The following MAL variants were observed in gnomAD, a reference collection of about 807,000 sequenced individuals.
The protein encoded by MAL is myelin and lymphocyte protein.
Under a neutral mutation model 16.7 loss-of-function variants are expected in MAL, and 5 were observed. The observed-to-expected ratio is 0.30, with a 90% CI of 0.16 to 0.63. The LOEUF is 0.63. Ranked by LOEUF, MAL falls within the 30% of genes least tolerant of loss-of-function variation. MAL has a pLI of 0.82. For missense variants in MAL, 202 were observed against 195.8 expected (o/e 1.03, Z -0.19); for synonymous variants, 96 against 85.5 (o/e 1.12, Z -0.67).
chr2:95,044,955 A>G (rs1674552735), intron 1 of MAL, among the ~76,000 whole-genome samples: 1 of 152,250 alleles, frequency 6.6e-6, no homozygotes, highest in Non-Finnish European at 1.5e-5. Flanking sequence ...GACTCTGCAG[A>G]CAGGAGCTGA....
intron 1 of MAL, among the ~76,000 whole-genome samples, chr2:95,040,966 C>T (rs1674448372): frequency 6.6e-6 from 1 of 152,182 alleles, no homozygotes; most frequent in Non-Finnish European, 1.5e-5. Flanking sequence ...GGGGACCACA[C>T]CACCAGGTGT....
intron 1 of MAL, among the ~76,000 whole-genome samples, chr2:95,035,414 A>G (rs1353361441): frequency 6.6e-6 from 1 of 152,126 alleles, no homozygotes; most frequent in Non-Finnish European, 1.5e-5. Flanking sequence ...AAATGAAGAC[A>G]TGCCTATCAG....
intron 1 of MAL, among the ~76,000 whole-genome samples, chr2:95,044,125 C>T (rs891576944): frequency 1.4e-4 from 21 of 152,172 alleles, no homozygotes; most frequent in African/African-American, 4.8e-4. Flanking sequence ...GAGAATTTCT[C>T]ACCTGAAGAC....
intron 1 of MAL, among the ~76,000 whole-genome samples, chr2:95,033,165 G>A (rs558800830): frequency 3.9e-5 from 6 of 152,292 alleles, no homozygotes; most frequent in South Asian, 2.1e-4. Context: ...CGGGGGGCCC[G>A]GGAGGTGGGC....
At chr2:95,036,451 C>G (rs533783314) in intron 1 of MAL, among the ~76,000 whole-genome samples, 1 of 152,332 alleles carries the variant, frequency 6.6e-6, no homozygotes, top group Admixed American at 6.5e-5. Flanking sequence ...GGACCCAGAA[C>G]TGCTCCAGTG....
chr2:95,037,630 AAGTG>A (rs796437294), intron 1 of MAL, among the ~76,000 whole-genome samples: 6 of 66,924 alleles, frequency 9.0e-5, no homozygotes, highest in South Asian at 1.1e-3. Flanking sequence ...GTGACTAAGT[AAGTG>A]AGTGAGTGAG....
At chr2:95,033,950 A>G (rs1215168846) in intron 1 of MAL, among the ~76,000 whole-genome samples, 1 of 152,228 alleles carries the variant, frequency 6.6e-6, no homozygotes, top group Admixed American at 6.5e-5. Context: ...TAAAATTTGG[A>G]CATAGCAGCA....
chr2:95,048,173 G>T, intron 2 of MAL, 47 bp downstream of exon 2: 1 of 1,542,210 alleles, frequency 6.5e-7, no homozygotes, highest in Non-Finnish European at 9.0e-7. Context: ...GGCGCAGGAA[G>T]TACTGGTCCC....
At position 95,053,578 on chromosome 2, in the gene MAL, C is replaced by A. The variant is rs1039014679; in HGVS notation, c.*123C>A. ...GGAAAAAAGAAAACAACCACCCCCC[C>A]ACTGCCCAAAAAAAAAAGCCCTGCC... On this transcript the variant is annotated 3_prime_UTR_variant, in exon 4 of 4. Coordinates refer to ENST00000309988, the MANE Select transcript of MAL (RefSeq NM_002371.4). The A allele has an allele frequency of 2.4e-5, 18 of 736,044 alleles. No individual in the cohort carries two copies. The highest frequency in any genetic ancestry group is 7.5e-4 in the Middle Eastern group (2 of 2,670). 45.6% of individuals were successfully genotyped at this position (736,044 alleles called of 1,614,324 possible).
At chr2:95,048,923 C>T (rs749614374) in intron 2 of MAL, among the ~76,000 whole-genome samples, 3 of 152,250 alleles carry the variant, frequency 2.0e-5, no homozygotes, top group South Asian at 2.1e-4. Context: ...CTCAAGTGAT[C>T]GTCCTGCCAC....
At chr2:95,037,559 ACT>A (rs1674266022) in intron 1 of MAL, among the ~76,000 whole-genome samples, 2 of 151,314 alleles carry the variant, frequency 1.3e-5, no homozygotes, top group African/African-American at 2.4e-5. Context: ...TGAGTGAGTG[ACT>A]GAGTGAGTGA....
Position 95,025,940 on chromosome 2 carries a change from C to A in MAL, c.93+55C>A. On this transcript the variant is annotated intron_variant, in intron 1 of 3. Transcript: ENST00000309988. This position sits in a 1 kb window ranked among gnomAD's most constrained non-coding sequence, Gnocchi z 5.6. ...GGGTGGGCTGAGCCGTGCGCTCTCT[C>A]GGGCGCCCAGCACAGCTGTCGGACG... The A allele has an allele frequency of 5.6e-6, 8 of 1,438,322 alleles. No individual in the cohort carries two copies. Among genetic ancestry groups the A allele is most frequent in the Non-Finnish European group, 7.5e-6 (8 of 1,062,538 alleles). The allele number at this position is 1,438,322 out of a possible 1,614,324, so 89.1% of individuals were successfully genotyped here.
chr2:95,048,441 C>T (rs1453770167), intron 2 of MAL, among the ~76,000 whole-genome samples: 1 of 152,186 alleles, frequency 6.6e-6, no homozygotes, highest in African/African-American at 2.4e-5. Flanking sequence ...CCTCCCATCA[C>T]CTGCAAGGGC....
At chr2:95,053,188 AGCTCTG>A in intron 3 of MAL, 187 bp from the exon 4 acceptor site, 1 of 545,776 alleles carries the variant, frequency 1.8e-6, no homozygotes, top group Non-Finnish European at 3.3e-6. Context: ...GGTCACATGG[AGCTCTG>A]TACTGAGAGG....
intron 1 of MAL, among the ~76,000 whole-genome samples, chr2:95,036,406 C>T (rs1365396827): frequency 2.0e-5 from 3 of 152,206 alleles, no homozygotes; most frequent in Admixed American, 2.0e-4. Context: ...TGCTCAGACA[C>T]TGACACTTTC....
chr2:95,036,487 G>A (rs1476904010), intron 1 of MAL, among the ~76,000 whole-genome samples: 1 of 152,240 alleles, frequency 6.6e-6, no homozygotes, highest in Non-Finnish European at 1.5e-5. Flanking sequence ...CTGCATGAGA[G>A]AGGAGAGGAA....
At chr2:95,037,017 G>T (rs1388520559) in intron 1 of MAL, among the ~76,000 whole-genome samples, 1 of 151,812 alleles carries the variant, frequency 6.6e-6, no homozygotes, top group Admixed American at 6.6e-5. Flanking sequence ...GAGTTACTGA[G>T]TGAGTGAATG....
At chr2:95,039,732 TGA>T (rs1159066866) in intron 1 of MAL, among the ~76,000 whole-genome samples, 2 of 12,392 alleles carry the variant, frequency 1.6e-4, no homozygotes, top group Non-Finnish European at 2.7e-4. Flanking sequence ...AGTGACTGAG[TGA>T]GTGAGTGGGT....
chr2:95,050,599 T>C (rs1674694682), intron 3 of MAL, among the ~76,000 whole-genome samples: 1 of 151,924 alleles, frequency 6.6e-6, no homozygotes, highest in African/African-American at 2.4e-5. Flanking sequence ...AGAAATGGGG[T>C]TGGTGAAGTG....
Sources: gnomAD v4.1 joint callset for allele counts (sites outside exome capture counted in the v4.1 genomes callset) on GRCh38, gnomAD v4.1.1 for gene constraint, Gnocchi (gnomAD v3.1) non-coding constraint, MANE v1.5 for transcripts, NCBI Gene and HGNC (gene_info 2026-07-23, HGNC 2026-07-21) for gene names.